TENM2: variants seen among roughly 807,000 people sequenced by gnomAD.
The protein encoded by TENM2 is teneurin-2.
Under a neutral mutation model 245.2 loss-of-function variants are expected in TENM2, and 52 were observed. That is an observed-to-expected ratio of 0.21 (90% CI 0.17 to 0.27). The LOEUF (loss-of-function observed/expected upper bound fraction) is 0.27, where lower values mean the gene tolerates loss of function less well. Ranked by LOEUF, TENM2 falls within the 10% of genes least tolerant of loss-of-function variation. TENM2 has a pLI of 1.00. For missense variants in TENM2, 3,046 were observed against 3,666.8 expected (o/e 0.83, Z 4.37); for synonymous variants, 1,363 against 1,438.9 (o/e 0.95, Z 1.19).
At chr5:167,585,983 G>C (rs1775462641) in intron 2 of TENM2, among the ~76,000 whole-genome samples, 1 of 152,010 alleles carries the variant, frequency 6.6e-6, no homozygotes, top group African/African-American at 2.4e-5. Context: ...AAATAAGCTG[G>C]GCATGGTGAC....
At chr5:167,078,049 T>C in the TENM2 span, among the ~76,000 whole-genome samples, 1 of 151,828 alleles carries the variant, frequency 6.6e-6, no homozygotes, top group Admixed American at 6.6e-5. Flanking sequence ...AAATATTAGA[T>C]GTTAATTTAA....
intron 12 of TENM2, among the ~76,000 whole-genome samples, chr5:168,144,540 A>G (rs765318004): frequency 0.064 from 9,747 of 151,658 alleles, 443 homozygotes; most frequent in Middle Eastern, 0.14. Context: ...ATAGTATTCC[A>G]TGGTGTATAT....
At position 168,259,573 on chromosome 5, in the gene TENM2, G is replaced by T. The variant is rs143181062; in HGVS notation, c.7433-710G>T. Among the ~76,000 whole-genome samples, 1,395 of 152,266 alleles carry T rather than the reference G, an allele frequency of 9.2e-3. 23 individuals carry two copies. Among genetic ancestry groups the T allele is most frequent in the African/African-American group, 0.032 (1,330 of 41,544 alleles). On this transcript the variant is annotated intron_variant, in intron 27 of 28. Coordinates refer to ENST00000518659, the Ensembl canonical transcript of TENM2. ...ACCGCACTCCAGCCTGGGCAACAGAGCAAGACTCCATCTCAAAAAAAAAGA... is the reference window on the plus strand; with the variant it reads ...ACCGCACTCCAGCCTGGGCAACAGATCAAGACTCCATCTCAAAAAAAAAGA...
intron 3 of TENM2, among the ~76,000 whole-genome samples, chr5:167,939,761 T>A (rs1353924157): frequency 6.6e-6 from 1 of 152,234 alleles, no homozygotes; most frequent in East Asian, 1.9e-4. Context: ...CAAATCATCC[T>A]CTTTCTGTGC....
At chr5:167,985,173 C>G (rs1317919775) in intron 4 of TENM2, among the ~76,000 whole-genome samples, 1 of 152,222 alleles carries the variant, frequency 6.6e-6, no homozygotes, top group Non-Finnish European at 1.5e-5. Context: ...CTCTAGTGCA[C>G]ACCTGATCTC....
At position 167,725,343 on chromosome 5, in the gene TENM2, A is replaced by G. The variant is rs879722206; in HGVS notation, c.503-150643A>G. The stretch of plus-strand genomic sequence containing the variant: ...CCTAAACATATGTATGTATAGATGC[A>G]TATCTTTGAAAGCCTATGTGAATAC... On this transcript the variant is annotated intron_variant, in intron 2 of 28. Transcript: ENST00000518659. Among the ~76,000 whole-genome samples the G allele has an allele frequency of 4.6e-5, 7 of 152,314 alleles. No individual in the cohort carries two copies. In the East Asian group the frequency reaches 9.6e-4, roughly 21 times the overall value.
At chr5:167,195,993 G>A in the TENM2 span, among the ~76,000 whole-genome samples, 258 of 151,992 alleles carry the variant, frequency 1.7e-3, no homozygotes, top group Middle Eastern at 0.01. Context: ...ACCATCACTC[G>A]TTGTTTAATA....
chr5:167,534,192 T>C (rs764544940), intron 2 of TENM2, among the ~76,000 whole-genome samples: 3 of 152,152 alleles, frequency 2.0e-5, no homozygotes, highest in Non-Finnish European at 2.9e-5. Context: ...GTCTCATAGA[T>C]GTAAGATCTC....
intron 9 of TENM2, among the ~76,000 whole-genome samples, chr5:168,110,402 C>T (rs1359766159): frequency 6.6e-6 from 1 of 152,174 alleles, no homozygotes; most frequent in South Asian, 2.1e-4. Flanking sequence ...TTTGGAAACA[C>T]TATGGGGTAA....
chr5:167,761,749 A>G (rs1291585794), intron 2 of TENM2, among the ~76,000 whole-genome samples: 2 of 152,172 alleles, frequency 1.3e-5, no homozygotes, highest in Non-Finnish European at 2.9e-5. Context: ...CTCCAAGGGA[A>G]CTGGAATTTC....
chr5:167,891,532 C>G (rs1194018629), intron 3 of TENM2, among the ~76,000 whole-genome samples: 4 of 152,140 alleles, frequency 2.6e-5, no homozygotes, highest in African/African-American at 9.7e-5. Context: ...GACCCAATAT[C>G]CTTATTACAT....
intron 3 of TENM2, among the ~76,000 whole-genome samples, chr5:167,907,447 T>C (rs1345496129): frequency 6.1e-5 from 9 of 146,394 alleles, no homozygotes; most frequent in African/African-American, 2.0e-4. Context: ...GTCCAAATAA[T>C]AGTAGCCAGG....
intron 2 of TENM2, among the ~76,000 whole-genome samples, chr5:167,442,178 A>C (rs188900118): frequency 6.6e-6 from 1 of 151,902 alleles, no homozygotes; most frequent in Non-Finnish European, 1.5e-5. Flanking sequence ...TCATTCTTTG[A>C]CTCTTTTTTC....
chr5:167,663,242 G>T (rs1755362242), intron 2 of TENM2, among the ~76,000 whole-genome samples: 1 of 149,110 alleles, frequency 6.7e-6, no homozygotes, highest in Non-Finnish European at 1.5e-5. Flanking sequence ...TTAAAATCTG[G>T]GTAAGGACCA....
the TENM2 span, among the ~76,000 whole-genome samples, chr5:167,183,942 T>C: frequency 6.6e-6 from 1 of 152,210 alleles, no homozygotes; most frequent in Non-Finnish European, 1.5e-5. Flanking sequence ...AATTTTCTTC[T>C]TGACTTAGAA....
At chr5:167,840,770 C>T (rs1483355869) in intron 2 of TENM2, among the ~76,000 whole-genome samples, 2 of 152,036 alleles carry the variant, frequency 1.3e-5, no homozygotes, top group Non-Finnish European at 2.9e-5. Flanking sequence ...AGATACTCAG[C>T]GTGGCAGTAA....
In TENM2 at chr5:167,801,804, G is replaced by A. The variant is rs557545439; in HGVS notation, c.503-74182G>A. Among the ~76,000 whole-genome samples, 32 of 152,142 alleles carry A rather than the reference G, an allele frequency of 2.1e-4. No homozygotes were observed. In the South Asian group the frequency reaches 4.8e-3, roughly 23 times the overall value. On this transcript the variant is annotated intron_variant, in intron 2 of 28. Transcript: ENST00000518659. ...AGCCTGGCTTAGAGAACTGGGTGGG[G>A]CCAATAGGCAGAGAATGGGTAATTC...
chr5:167,795,355 A>G (rs1254141595), intron 2 of TENM2, among the ~76,000 whole-genome samples: 1 of 152,200 alleles, frequency 6.6e-6, no homozygotes, highest in Non-Finnish European at 1.5e-5. Context: ...GGGAAAGATA[A>G]TATTTATGCT....
the TENM2 span, among the ~76,000 whole-genome samples, chr5:166,986,230 T>A: frequency 2.0e-5 from 3 of 152,308 alleles, no homozygotes; most frequent in East Asian, 5.8e-4. Flanking sequence ...TTAAAATAGA[T>A]TTTGTGTTTG....
Sources: gnomAD v4.1 joint callset for allele counts (sites outside exome capture counted in the v4.1 genomes callset) on GRCh38, gnomAD v4.1.1 for gene constraint, MANE v1.5 for transcripts, NCBI Gene and HGNC (gene_info 2026-07-23, HGNC 2026-07-21) for gene names.